OPN3: variants seen among roughly 807,000 people sequenced by gnomAD.
The protein encoded by OPN3 is opsin-3.
A neutral mutation model predicts 33.8 loss-of-function variants in OPN3; 29 were observed. The ratio of observed to expected loss-of-function variants is 0.86; its 90% confidence interval spans 0.64 to 1.17. The LOEUF (loss-of-function observed/expected upper bound fraction) is 1.17. Ranked by LOEUF, OPN3 falls within the 50% of genes most tolerant of loss-of-function variation. The probability of loss-of-function intolerance (pLI) is 0.00; values close to 1 mark genes in which losing one functional copy is unlikely to be tolerated. For synonymous variants in OPN3, 216 were observed against 216.1 expected, an observed-to-expected ratio of 1.00 and a Z score of 0.00; for missense variants, 437 against 514.1, an observed-to-expected ratio of 0.85 and a Z score of 1.45.
chr1:241,633,810 G>A (rs1363515127), intron 1 of OPN3: 1 of 1,613,466 alleles, frequency 6.2e-7, no homozygotes, highest in Non-Finnish European at 8.5e-7. Context: ...TTTTGAAGGT[G>A]CTTCTCTGGG....
intron 1 of OPN3, chr1:241,633,663 T>C: frequency 1.1e-6 from 1 of 893,740 alleles, no homozygotes; most frequent in South Asian, 1.6e-5. Flanking sequence ...TGTCTGAGAG[T>C]TAAAGACAAC....
At chr1:241,605,055 CA>C (rs35256239) in intron 1 of OPN3, among the ~76,000 whole-genome samples, 283 of 126,346 alleles carry the variant, frequency 2.2e-3, no homozygotes, top group African/African-American at 5.4e-3. Context: ...GACCTTATCT[CA>C]AAAAAAAAAA....
At position 241,597,782 on chromosome 1, in the gene OPN3, TAC is replaced by T; in HGVS notation, c.907_908del (p.Val303IlefsTer33). The T allele has an allele frequency of 6.2e-7, 1 of 1,613,892 alleles. No homozygotes were observed. The highest frequency in any genetic ancestry group is 8.5e-7 in the Non-Finnish European group (1 of 1,179,954). ...TGAAGACATAAATCACTGGATTGTA[TAC>T]AGTGTTCGATTTAGCAAAGAGGTAC... ...VSYLFAKSNT[V>X]YNPVIYVFMI... On this transcript the variant is annotated frameshift_variant, in exon 3 of 4. Transcript: ENST00000366554. LOFTEE classifies it high-confidence loss of function.
intron 1 of OPN3, among the ~76,000 whole-genome samples, chr1:241,616,258 C>T (rs542617323): frequency 3.3e-5 from 5 of 152,158 alleles, no homozygotes; most frequent in East Asian, 3.9e-4. Flanking sequence ...GCTTTATATG[C>T]GGGGAACGTG....
Position 241,593,550 on chromosome 1 carries a change from C to T in OPN3, c.*878G>A, listed in dbSNP as rs1006221053. 2 of 247,582 alleles carry T rather than the reference C, an allele frequency of 8.1e-6. No homozygotes were observed. Among genetic ancestry groups the T allele is most frequent in the Non-Finnish European group, 1.8e-5 (2 of 110,166 alleles). The allele number at this position is 247,582 out of a possible 1,614,324, so 15.3% of individuals were successfully genotyped here. On this transcript the variant is annotated 3_prime_UTR_variant, in exon 4 of 4. Coordinates refer to ENST00000366554, the MANE Select transcript of OPN3 (RefSeq NM_014322.3). The stretch of plus-strand genomic sequence containing the variant: ...TGTAGGGAAAGAAAAAATAATTTTT[C>T]CTTCTACCCACTTTAGGTTCCTTGG...
intron 1 of OPN3, among the ~76,000 whole-genome samples, chr1:241,620,427 A>G (rs147897941): frequency 1.3e-5 from 2 of 152,318 alleles, no homozygotes; most frequent in South Asian, 2.1e-4. Context: ...TGATTAGGCC[A>G]TGAAGGCAGA....
intron 1 of OPN3, among the ~76,000 whole-genome samples, chr1:241,617,130 C>T: frequency 6.6e-6 from 1 of 152,028 alleles, no homozygotes; most frequent in East Asian, 1.9e-4. Flanking sequence ...CTCATCGTCC[C>T]CATTTGATGA....
chr1:241,614,432 A>ATGCAT (rs1210255751), intron 1 of OPN3, among the ~76,000 whole-genome samples: 1 of 152,182 alleles, frequency 6.6e-6, no homozygotes, highest in African/African-American at 2.4e-5. Context: ...GGTATTTCAC[A>ATGCAT]TGCATTGCAT....
intron 1 of OPN3, among the ~76,000 whole-genome samples, chr1:241,607,994 A>G (rs1663888003): frequency 6.6e-6 from 1 of 152,168 alleles, no homozygotes. Flanking sequence ...TTAGATTCCT[A>G]GAAAAAAAAA....
rs138142257 is a variant in OPN3, at chr1:241,635,007, T to A, written c.373+4875A>T. The A allele has an allele frequency of 1.0e-4, 167 of 1,613,460 alleles. 1 individual carries two copies. Among genetic ancestry groups the A allele is most frequent in the South Asian group, 2.4e-4 (22 of 91,002 alleles). On this transcript the variant is annotated intron_variant, in intron 1 of 3. Coordinates refer to ENST00000366554, the MANE Select transcript of OPN3 (RefSeq NM_014322.3). ...ACATTTTTAAATTCTACATAACGAC[T>A]AACATCTGATTTGATTAAAAGATCA...
chr1:241,635,720 G>A (rs777773293), intron 1 of OPN3: 1 of 1,613,928 alleles, frequency 6.2e-7, no homozygotes, highest in South Asian at 1.1e-5. Context: ...GGGCAAACCT[G>A]TCCCTATTAT....
chr1:241,597,658 G>T, intron 3 of OPN3, 88 bp downstream of exon 3: 5 of 1,206,166 alleles, frequency 4.1e-6, no homozygotes, highest in South Asian at 4.7e-5. Flanking sequence ...TAATTGAAGC[G>T]ACTCTGAATC....
Position 241,597,925 on chromosome 1 carries a change from TTTTG to T in OPN3, c.762_765del (p.Lys255CysfsTer4). On this transcript the variant is annotated frameshift_variant, in exon 3 of 4. Coordinates refer to ENST00000366554, the MANE Select transcript of OPN3 (RefSeq NM_014322.3). LOFTEE classifies it high-confidence loss of function. ...AAGGTGAATATCATTAAAAAGCACA[TTTTG>T]GCCAGTTTCTTTTCATATTTTAAAA... is the stretch of plus-strand genomic sequence containing the variant. 1 of 1,613,576 alleles carries T rather than the reference TTTTG, an allele frequency of 6.2e-7. No individual in the cohort carries two copies. The highest frequency in any genetic ancestry group is 8.5e-7 in the Non-Finnish European group (1 of 1,179,870).
intron 1 of OPN3, among the ~76,000 whole-genome samples, chr1:241,638,223 A>G (rs929399611): frequency 6.6e-6 from 1 of 152,172 alleles, no homozygotes; most frequent in Non-Finnish European, 1.5e-5. Context: ...ATCTAAGTGA[A>G]CTTAGAAAAT....
At chr1:241,639,207 T>C (rs934968618) in intron 1 of OPN3, 1 of 152,220 alleles carries the variant, frequency 6.6e-6, no homozygotes, top group Non-Finnish European at 1.5e-5. Flanking sequence ...GCTGAGCCAT[T>C]TGTAATCTCA....
intron 1 of OPN3, chr1:241,631,748 T>A (rs999182224): frequency 6.6e-6 from 1 of 152,148 alleles, no homozygotes; most frequent in Non-Finnish European, 1.5e-5. Context: ...TAAAATATGT[T>A]TGTTTAGTTC....
At chr1:241,604,740 T>C (rs1477215896) in intron 1 of OPN3, among the ~76,000 whole-genome samples, 161 bp from the exon 2 acceptor site, 2 of 152,160 alleles carry the variant, frequency 1.3e-5, no homozygotes, top group Non-Finnish European at 2.9e-5. Context: ...AAGGAAATTA[T>C]ACTGAAAATA....
At chr1:241,635,168 T>C in intron 1 of OPN3, 1 of 1,613,046 alleles carries the variant, frequency 6.2e-7, no homozygotes, top group Non-Finnish European at 8.5e-7. Context: ...AGATTTGCTT[T>C]CATCTTTATC....
intron 2 of OPN3, among the ~76,000 whole-genome samples, chr1:241,602,564 C>G (rs1252187661): frequency 1.3e-5 from 2 of 152,196 alleles, no homozygotes; most frequent in South Asian, 4.1e-4. Flanking sequence ...GAGGCCTCCT[C>G]TCTTGACTGT....
Sources: allele counts gnomAD v4.1 joint callset (sites outside exome capture counted in the v4.1 genomes callset), GRCh38; gene constraint gnomAD v4.1.1; transcripts MANE v1.5; gene names NCBI Gene and HGNC (gene_info 2026-07-23, HGNC 2026-07-21).